Variants in RAPGEF6 observed in about 807,000 individuals in gnomAD.
The protein encoded by RAPGEF6 is Rap guanine nucleotide exchange factor 6.
A neutral mutation model predicts 171.4 loss-of-function variants in RAPGEF6; 56 were observed. The ratio of observed to expected loss-of-function variants is 0.33; its 90% CI spans 0.26 to 0.41. The LOEUF (loss-of-function observed/expected upper bound fraction) is 0.41. Among genes scored for constraint, RAPGEF6 ranks in the 10% least tolerant of loss-of-function variants. The pLI, the probability that RAPGEF6 is intolerant of heterozygous loss-of-function variation, is 1.00. For missense variants in RAPGEF6, 1,674 were observed against 1,921.4 expected, an observed-to-expected ratio of 0.87 and a Z score of 2.41; for synonymous variants, 692 against 650.1, an observed-to-expected ratio of 1.06 and a Z score of -0.98.
intron 15 of RAPGEF6, among the ~76,000 whole-genome samples, chr5:131,487,224 G>A (rs1013794597): frequency 2.6e-5 from 4 of 152,164 alleles, no homozygotes; most frequent in South Asian, 2.1e-4. Context: ...GGACCTTCGC[G>A]GCGAGTGTTA....
chr5:131,563,426 CTATACAAATAACAGT>C (rs1761731841), intron 4 of RAPGEF6, among the ~76,000 whole-genome samples: 1 of 152,106 alleles, frequency 6.6e-6, no homozygotes, highest in Non-Finnish European at 1.5e-5. Context: ...GTATAAGGTT[CTATACAAATAACAGT>C]TAATAACAAA....
chr5:131,544,126 T>C (rs1385207333), intron 6 of RAPGEF6, among the ~76,000 whole-genome samples: 1 of 152,198 alleles, frequency 6.6e-6, no homozygotes, highest in Non-Finnish European at 1.5e-5. Context: ...ACAGCCACAC[T>C]AAATAACAAT....
At chr5:131,621,628 TA>T (rs1765598126) in intron 1 of RAPGEF6, among the ~76,000 whole-genome samples, 1 of 152,158 alleles carries the variant, frequency 6.6e-6, no homozygotes, top group Non-Finnish European at 1.5e-5. Flanking sequence ...GATTATTTAT[TA>T]ATACCTAATA....
chr5:131,571,419 A>G (rs1762274184), intron 4 of RAPGEF6, among the ~76,000 whole-genome samples: 1 of 152,254 alleles, frequency 6.6e-6, no homozygotes, highest in Non-Finnish European at 1.5e-5. Flanking sequence ...CTGTTTATTC[A>G]CAGATGACAA....
At chr5:131,528,014 C>A (rs979441856) in intron 6 of RAPGEF6, among the ~76,000 whole-genome samples, 1 of 134,806 alleles carries the variant, frequency 7.4e-6, no homozygotes, top group African/African-American at 2.9e-5. Flanking sequence ...GACTCCGTGT[C>A]AAAAAATAAT....
chr5:131,505,249 G>A, intron 10 of RAPGEF6, 115 bp downstream of exon 10: 3 of 985,628 alleles, frequency 3.0e-6, no homozygotes, highest in South Asian at 1.5e-5. Flanking sequence ...TATTAACTGT[G>A]AGCTATTGAA....
At chr5:131,501,236 T>C (rs1195791828) in intron 11 of RAPGEF6, among the ~76,000 whole-genome samples, 7 of 151,836 alleles carry the variant, frequency 4.6e-5, no homozygotes, top group Non-Finnish European at 7.4e-5. Context: ...CCTAGGAGGC[T>C]GAGGCACAAG....
intron 7 of RAPGEF6, among the ~76,000 whole-genome samples, chr5:131,513,408 C>T (rs1757869026): frequency 6.6e-6 from 1 of 152,146 alleles, no homozygotes. Context: ...ACTCTGTCTT[C>T]ATCTTAATCT....
At chr5:131,607,031 G>A (rs1764642389) in intron 1 of RAPGEF6, among the ~76,000 whole-genome samples, 1 of 152,124 alleles carries the variant, frequency 6.6e-6, no homozygotes, top group Non-Finnish European at 1.5e-5. Context: ...TGAGTCTGCA[G>A]ATCCACCTAA....
At chr5:131,579,162 G>A (rs1762778198) in intron 4 of RAPGEF6, among the ~76,000 whole-genome samples, 1 of 152,092 alleles carries the variant, frequency 6.6e-6, no homozygotes, top group Admixed American at 6.5e-5. Flanking sequence ...CTCTGGAGTT[G>A]TTCGCTCCTC....
intron 6 of RAPGEF6, among the ~76,000 whole-genome samples, chr5:131,527,989 TG>T (rs1759010784): frequency 6.8e-6 from 1 of 147,652 alleles, no homozygotes; most frequent in African/African-American, 2.5e-5. Flanking sequence ...CACTCCAGCC[TG>T]GGGGACAGAG....
intron 25 of RAPGEF6, among the ~76,000 whole-genome samples, chr5:131,432,037 C>G (rs958680490): frequency 6.6e-6 from 1 of 152,008 alleles, no homozygotes; most frequent in Non-Finnish European, 1.5e-5. Flanking sequence ...GCAGGGGTCC[C>G]CAAACTAAAG....
chr5:131,529,017 C>A (rs549613074), intron 6 of RAPGEF6, among the ~76,000 whole-genome samples: 42 of 152,218 alleles, frequency 2.8e-4, no homozygotes, highest in African/African-American at 1.0e-3. Context: ...AATGCTTCCT[C>A]CACCCAGTAA....
At chr5:131,584,769 A>G (rs1400109068) in intron 4 of RAPGEF6, among the ~76,000 whole-genome samples, 1 of 152,178 alleles carries the variant, frequency 6.6e-6, no homozygotes, top group Non-Finnish European at 1.5e-5. Context: ...TCCCTGGCCC[A>G]CCAAACTATC....
chr5:131,598,568 T>C (rs1205888019), intron 3 of RAPGEF6, among the ~76,000 whole-genome samples: 1 of 152,006 alleles, frequency 6.6e-6, no homozygotes, highest in Admixed American at 6.6e-5. Context: ...GGAAAAAACA[T>C]ATTAACTGCA....
At chr5:131,623,498 T>TTTTTG in intron 1 of RAPGEF6, among the ~76,000 whole-genome samples, 3 of 149,768 alleles carry the variant, frequency 2.0e-5, no homozygotes, top group Non-Finnish European at 3.0e-5. Context: ...TTTTTTTTTT[T>TTTTTG]GTGAGACAGA....
chr5:131,530,865 TCTCA>T (rs941370259), intron 6 of RAPGEF6, among the ~76,000 whole-genome samples: 4 of 152,170 alleles, frequency 2.6e-5, no homozygotes, highest in African/African-American at 7.2e-5. Flanking sequence ...TTTTACACGG[TCTCA>T]CTCACTTCCT....
chr5:131,589,447 G>A (rs1394717786), intron 4 of RAPGEF6, among the ~76,000 whole-genome samples: 2 of 152,164 alleles, frequency 1.3e-5, no homozygotes, highest in African/African-American at 4.8e-5. Context: ...TTATTTGGGG[G>A]AGAGGGTAAG....
intron 1 of RAPGEF6, among the ~76,000 whole-genome samples, chr5:131,620,474 T>C (rs935102520): frequency 6.6e-6 from 1 of 152,266 alleles, no homozygotes; most frequent in Non-Finnish European, 1.5e-5. Context: ...GCCAGAAATC[T>C]GTCAATTCTA....
Sources: gnomAD v4.1 joint callset for allele counts (sites outside exome capture counted in the v4.1 genomes callset) on GRCh38, gnomAD v4.1.1 for gene constraint, MANE v1.5 for transcripts, NCBI Gene and HGNC (gene_info 2026-07-23, HGNC 2026-07-21) for gene names.